Variants in PDXDC1 observed in about 807,000 individuals in gnomAD.
PDXDC1 encodes pyridoxal dependent decarboxylase domain containing 1.
A neutral mutation model predicts 100.1 loss-of-function variants in PDXDC1; 42 were observed. The observed-to-expected ratio is 0.42, with a 90% CI of 0.33 to 0.54. The LOEUF is 0.54. PDXDC1 is among the 20% of genes least tolerant of loss of function. The pLI, the probability that PDXDC1 is intolerant of heterozygous loss-of-function variation, is 0.10. For missense variants in PDXDC1, 636 were observed against 979.2 expected (o/e 0.65, Z 4.68); for synonymous variants, 260 against 371.7 (o/e 0.70, Z 3.46).
intron 1 of PDXDC1, among the ~76,000 whole-genome samples, chr16:14,993,029 A>T (rs1445553307): frequency 6.6e-6 from 1 of 152,096 alleles, no homozygotes; most frequent in Admixed American, 6.5e-5. Context: ...TTTATTTCTC[A>T]CTATGTTGCC....
At chr16:14,986,329 C>T (rs1969366999) in intron 1 of PDXDC1, among the ~76,000 whole-genome samples, 1 of 152,270 alleles carries the variant, frequency 6.6e-6, no homozygotes, top group Non-Finnish European at 1.5e-5. Context: ...ATTAGCTGGG[C>T]GTGATGGCGG....
At position 15,036,105 on chromosome 16, in the gene PDXDC1, G is replaced by A; in HGVS notation, c.2197G>A (p.Glu733Lys). The A allele has an allele frequency of 6.2e-7, 1 of 1,614,112 alleles. No homozygotes were observed. The highest frequency in any genetic ancestry group is 1.3e-5 in the African/African-American group (1 of 75,036). Residue 733 changes from glutamate to lysine, a missense_variant, in exon 23 of 23, where the codon GAG becomes AAG. This residue lies in a region of PDXDC1 where 452 missense variants were observed against 402.9 expected (regional missense o/e 1.12). Transcript: ENST00000396410. ...TCACATTGAAGACTTAGAAAAGGTG[G>A]AGCGCCTATCCAGTGGGCCGGAGCA... ...VSHIEDLEKV[E>K]RLSSGPEQIT... is the part of the protein sequence containing the mutation.
rs752838754 is a variant in PDXDC1 at position 15,001,866 on chromosome 16, C to T, written c.242+10C>T. The T allele has an allele frequency of 3.8e-6, 6 of 1,595,256 alleles. No homozygotes were observed. The South Asian group carries it at 6.8e-5, about 18-fold the overall frequency. ...AGCCCCAGAGCCCCAGGTAATGAAC[C>T]TGGCAGCTTCTCTTTTCAAGTGTAT... On this transcript the variant is annotated intron_variant, in intron 4 of 22. Transcript: ENST00000396410.
At chr16:15,133,387 G>A (rs1320372955) in intron 16 of PDXDC1, 49 of 1,053,472 alleles carry the variant, frequency 4.7e-5, no homozygotes, top group African/African-American at 1.9e-4. Context: ...GCCCCATTGC[G>A]CTGCCGTTGG....
intron 21 of PDXDC1, 97 bp downstream of exon 21, chr16:15,034,650 G>C: frequency 1.1e-6 from 1 of 891,822 alleles, no homozygotes; most frequent in Non-Finnish European, 1.8e-6. Context: ...ATCCCGCCCT[G>C]GTTCCCGTTC....
At chr16:15,136,084 A>ACCT in intron 16 of PDXDC1, 2 of 1,581,236 alleles carry the variant, frequency 1.3e-6, no homozygotes, top group Admixed American at 3.4e-5. Flanking sequence ...CGCTGGGCCC[A>ACCT]CCTCCACCCG....
rs747297754 is a variant in PDXDC1, at chr16:15,092,498, T to C, written c.1400-46381T>C. 1.0e-5 allele frequency: 16 copies of C among 1,582,434 alleles called. No individual in the cohort carries two copies. The Middle Eastern group carries it at 5.0e-4, about 49-fold the overall frequency. ...AACCAAAAGCAAACCTCACACATTA[T>C]CTCCCCTTACCTTTTTGTACTTCAG... On this transcript the variant is annotated intron_variant, in intron 16 of 16. Coordinates refer to the PDXDC1 transcript ENST00000535621.
intron 1 of PDXDC1, among the ~76,000 whole-genome samples, chr16:14,979,462 G>T (rs1265460107): frequency 6.6e-6 from 1 of 152,274 alleles, no homozygotes; most frequent in Admixed American, 6.5e-5. Flanking sequence ...GCTAATTTTT[G>T]TATTTTTAGT....
intron 5 of PDXDC1, among the ~76,000 whole-genome samples, chr16:15,005,709 T>C (rs559190168): frequency 8.5e-5 from 13 of 152,402 alleles, no homozygotes; most frequent in East Asian, 1.9e-4. Flanking sequence ...CTAGCTTTTT[T>C]ATTTTTTTGA....
chr16:15,123,269 C>T (rs1453095298), intron 16 of PDXDC1, among the ~76,000 whole-genome samples: 3 of 152,022 alleles, frequency 2.0e-5, no homozygotes, highest in African/African-American at 7.3e-5. Context: ...AAGACCAGGT[C>T]CTCTCTGGAA....
the PDXDC1 span, among the ~76,000 whole-genome samples, chr16:15,147,524 C>T: frequency 6.6e-6 from 1 of 152,170 alleles, no homozygotes; most frequent in African/African-American, 2.4e-5. Flanking sequence ...GGTGCGGACT[C>T]TTCCTAGACC....
At chr16:15,022,136 C>T (rs1340766869) in intron 12 of PDXDC1, among the ~76,000 whole-genome samples, 2 of 152,292 alleles carry the variant, frequency 1.3e-5, no homozygotes, top group Non-Finnish European at 2.9e-5. Context: ...AGTCTAATGA[C>T]ACTACATTCT....
At chr16:15,056,993 C>T (rs922392997) in intron 16 of PDXDC1, among the ~76,000 whole-genome samples, 5 of 152,128 alleles carry the variant, frequency 3.3e-5, no homozygotes, top group African/African-American at 1.2e-4. Flanking sequence ...AGGCGTCTCA[C>T]CGTGGAGCTC....
chr16:15,131,509 C>T (rs895251260), intron 16 of PDXDC1: 76 of 1,608,014 alleles, frequency 4.7e-5, no homozygotes, highest in African/African-American at 6.7e-5. Context: ...CGGGTCCGAG[C>T]GCTTGCCCTG....
the PDXDC1 span, among the ~76,000 whole-genome samples, chr16:15,149,875 G>C: frequency 5.3e-4 from 80 of 152,232 alleles, no homozygotes; most frequent in African/African-American, 1.8e-3. Flanking sequence ...GGGACAATGG[G>C]ATGTCGGCTC....
chr16:15,003,801 G>A (rs2151381773), intron 4 of PDXDC1, among the ~76,000 whole-genome samples: 1 of 152,284 alleles, frequency 6.6e-6, no homozygotes, highest in South Asian at 2.1e-4. Flanking sequence ...TGGCCAACAT[G>A]GTGAAACCCC....
intron 16 of PDXDC1, among the ~76,000 whole-genome samples, chr16:15,072,691 G>A (rs1469775651): frequency 1.3e-5 from 2 of 152,138 alleles, no homozygotes; most frequent in Non-Finnish European, 2.9e-5. Flanking sequence ...CAGCTATCGA[G>A]AGGGTAAGGA....
At chr16:15,058,899 C>G (rs1400845713) in intron 16 of PDXDC1, among the ~76,000 whole-genome samples, 1 of 152,150 alleles carries the variant, frequency 6.6e-6, no homozygotes, top group African/African-American at 2.4e-5. Context: ...TCCCCAAGTG[C>G]TCAGATTACA....
At chr16:15,046,221 G>A (rs1308509984) in intron 16 of PDXDC1, among the ~76,000 whole-genome samples, 2 of 152,216 alleles carry the variant, frequency 1.3e-5, no homozygotes, top group African/African-American at 2.4e-5. Flanking sequence ...ATTTAGAATC[G>A]ACCAGTATTG....
Sources: allele counts gnomAD v4.1 joint callset (sites outside exome capture counted in the v4.1 genomes callset), GRCh38; gene constraint gnomAD v4.1.1; regional missense constraint gnomAD v4.1.1; transcripts MANE v1.5; gene names NCBI Gene and HGNC (gene_info 2026-07-23, HGNC 2026-07-21).